Variants in MAGI3 observed in about 807,000 individuals in gnomAD.
MAGI3 encodes membrane associated guanylate kinase, WW and PDZ domain containing 3, also known as membrane-associated guanylate kinase, WW and PDZ domain-containing protein 3.
MAGI3 carries 43 observed loss-of-function variants against 121.8 expected under a neutral mutation model. The observed-to-expected ratio is 0.35, with a 90% CI of 0.28 to 0.46. The LOEUF (loss-of-function observed/expected upper bound fraction) is 0.46, where lower values mean the gene tolerates loss of function less well. Ranked by LOEUF, MAGI3 falls within the 20% of genes least tolerant of loss-of-function variation. The pLI, the probability that MAGI3 is intolerant of heterozygous loss-of-function variation, is 1.00. For missense variants in MAGI3, 1,547 were observed against 1,797.3 expected (o/e 0.86, Z 2.52); for synonymous variants, 553 against 639.3 (o/e 0.86, Z 2.04).
At chr1:113,530,015 T>G (rs1219474263) in intron 1 of MAGI3, among the ~76,000 whole-genome samples, 2 of 152,174 alleles carry the variant, frequency 1.3e-5, no homozygotes, top group Non-Finnish European at 2.9e-5. Context: ...TTGATGCTAT[T>G]TGACCCACTA....
At chr1:113,545,565 G>T (rs1417661724) in intron 1 of MAGI3, among the ~76,000 whole-genome samples, 1 of 152,204 alleles carries the variant, frequency 6.6e-6, no homozygotes, top group Non-Finnish European at 1.5e-5. Context: ...GTTCCTCACA[G>T]AGAACTGGTG....
chr1:113,438,688 C>T (rs1267018611), intron 1 of MAGI3, among the ~76,000 whole-genome samples: 2 of 152,128 alleles, frequency 1.3e-5, no homozygotes, highest in African/African-American at 4.8e-5. Flanking sequence ...CTCTTTAAGG[C>T]AACTAGCTCT....
intron 2 of MAGI3, among the ~76,000 whole-genome samples, chr1:113,558,811 G>C (rs1252674389): frequency 6.6e-6 from 1 of 152,182 alleles, no homozygotes; most frequent in African/African-American, 2.4e-5. Flanking sequence ...AGCACAGCCA[G>C]AGAGAAAGGC....
intron 2 of MAGI3, among the ~76,000 whole-genome samples, chr1:113,570,813 A>C (rs1002162536): frequency 3.3e-5 from 5 of 152,100 alleles, no homozygotes; most frequent in Non-Finnish European, 4.4e-5. Context: ...GATGGATAGA[A>C]TGCAAAAATT....
chr1:113,646,382 T>C (rs541148288), intron 11 of MAGI3, 104 bp from the exon 12 acceptor site: 45 of 904,338 alleles, frequency 5.0e-5, no homozygotes, highest in Admixed American at 2.4e-4. Flanking sequence ...CTGCCACCTA[T>C]ACAACTATAA....
At position 113,683,642 on chromosome 1, in the gene MAGI3, C is replaced by T. The variant is rs377346875; in HGVS notation, c.4074C>T (p.Ile1358=). 6.2e-7 allele frequency: 1 copy of T among 1,612,224 alleles called. No homozygotes were observed. The highest frequency in any genetic ancestry group is 8.5e-7 in the Non-Finnish European group (1 of 1,179,234). The change falls in exon 21 of 21, where the codon ATC becomes ATT. Residue 1358 remains isoleucine (I), a synonymous_variant. Transcript: ENST00000307546. ...KSRTRSPEKK[I]KRMVEKSLPS... is the part of the protein sequence containing the mutation. ...GAACAAGGTCTCCAGAGAAAAAAAT[C>T]AAAAGAATGGTTGAGAAATCTCTTC...
chr1:113,469,581 G>A lies in MAGI3; in HGVS notation c.316+78232G>A, dbSNP rs192065589. On this transcript the variant is annotated intron_variant, in intron 1 of 20. Transcript: ENST00000307546. ...CCAGTAATATTTTTTTCAGCTCTGG[G>A]AAAAGTATAAAGAAAGTGTTGCCAC... Among the ~76,000 whole-genome samples the A allele has an allele frequency of 7.7e-3, 1,166 of 152,006 alleles. 8 individuals are homozygous for A. Among genetic ancestry groups the A allele is most frequent in the Admixed American group, 0.014 (217 of 15,260 alleles).
chr1:113,550,525 G>A (rs918124244), intron 2 of MAGI3, among the ~76,000 whole-genome samples: 1 of 151,922 alleles, frequency 6.6e-6, no homozygotes, highest in Non-Finnish European at 1.5e-5. Flanking sequence ...GGAGGCTGAG[G>A]TGGGCAGATC....
intron 2 of MAGI3, among the ~76,000 whole-genome samples, chr1:113,571,836 C>T (rs1356413681): frequency 6.6e-6 from 1 of 152,166 alleles, no homozygotes; most frequent in Non-Finnish European, 1.5e-5. Flanking sequence ...ATGTCATCTG[C>T]AAACAGAGAA....
Position 113,684,075 on chromosome 1 carries a change from G to T in MAGI3, c.*61G>T. On this transcript the variant is annotated 3_prime_UTR_variant, in exon 21 of 21. Transcript: ENST00000307546. ...CTTTTCTTACAGCAGCATTTTTCCA[G>T]AAAAAGCCTTTTTTTTTTTTTCAGA... 1.5e-6 allele frequency: 2 copies of T among 1,359,074 alleles called. No homozygotes were observed. Among genetic ancestry groups the T allele is most frequent in the Non-Finnish European group, 1.9e-6 (2 of 1,041,800 alleles). 84.2% of individuals were successfully genotyped at this position (1,359,074 alleles called of 1,614,324 possible). A position where few individuals can be genotyped will look rare whatever the true frequency, so the allele number is the denominator to read the frequency against.
At chr1:113,546,457 C>G (rs918304930) in intron 1 of MAGI3, among the ~76,000 whole-genome samples, 3 of 152,086 alleles carry the variant, frequency 2.0e-5, no homozygotes, top group Admixed American at 1.3e-4. Flanking sequence ...CTGCCTCAGC[C>G]TCTGGAGTAT....
intron 3 of MAGI3, among the ~76,000 whole-genome samples, chr1:113,581,921 C>T (rs1648064401): frequency 6.6e-6 from 1 of 151,800 alleles, no homozygotes; most frequent in Admixed American, 6.6e-5. Context: ...GATTAAAGTG[C>T]TTTTGAAGTT....
intron 1 of MAGI3, among the ~76,000 whole-genome samples, chr1:113,512,826 A>C (rs1657687561): frequency 6.6e-6 from 1 of 152,190 alleles, no homozygotes; most frequent in Admixed American, 6.5e-5. Flanking sequence ...GGAAAAGAGG[A>C]AGTCAAATTG....
chr1:113,441,996 C>T (rs748223523), intron 1 of MAGI3, among the ~76,000 whole-genome samples: 10 of 152,050 alleles, frequency 6.6e-5, no homozygotes, highest in Non-Finnish European at 1.2e-4. Flanking sequence ...TTTTACAAAT[C>T]GAATAATTGT....
chr1:113,592,192 T>C (rs985749396), intron 5 of MAGI3, among the ~76,000 whole-genome samples: 3 of 152,106 alleles, frequency 2.0e-5, no homozygotes, highest in African/African-American at 4.8e-5. Flanking sequence ...TTATAAAGGG[T>C]TAATATGTAG....
intron 1 of MAGI3, among the ~76,000 whole-genome samples, chr1:113,539,640 CCACTAACTCGT>C (rs1402868938): frequency 1.3e-5 from 2 of 151,874 alleles, no homozygotes; most frequent in Non-Finnish European, 2.9e-5. Context: ...TGCGCTGCAC[CCACTAACTCGT>C]CATCTAGCAT....
chr1:113,535,925 GTTC>G (rs941959916), intron 1 of MAGI3, among the ~76,000 whole-genome samples: 1 of 152,026 alleles, frequency 6.6e-6, no homozygotes, highest in African/African-American at 2.4e-5. Context: ...TCTGAAACCT[GTTC>G]TTCTCCTTTC....
At chr1:113,554,574 G>A (rs1314366717) in intron 2 of MAGI3, among the ~76,000 whole-genome samples, 1 of 151,838 alleles carries the variant, frequency 6.6e-6, no homozygotes, top group Admixed American at 6.6e-5. Context: ...GAAATTGGAC[G>A]AGGAATATGT....
At chr1:113,426,970 G>A (rs1451217471) in intron 1 of MAGI3, among the ~76,000 whole-genome samples, 1 of 150,978 alleles carries the variant, frequency 6.6e-6, no homozygotes, top group African/African-American at 2.4e-5. Context: ...ATATATATAT[G>A]ATCATATATA....
Sources: gnomAD v4.1 joint callset for allele counts (sites outside exome capture counted in the v4.1 genomes callset) on GRCh38, gnomAD v4.1.1 for gene constraint, MANE v1.5 for transcripts, NCBI Gene and HGNC (gene_info 2026-07-23, HGNC 2026-07-21) for gene names.